The following CMKLR2 variants were observed in gnomAD, a reference collection of about 807,000 sequenced individuals.
The protein encoded by CMKLR2 is chemerin chemokine-like receptor 2.
A neutral mutation model predicts 23.0 loss-of-function variants in CMKLR2; 18 were observed. The ratio of observed to expected loss-of-function variants is 0.78; its 90% CI spans 0.54 to 1.16. The LOEUF (loss-of-function observed/expected upper bound fraction) is 1.16. Among genes scored for constraint, CMKLR2 ranks in the 50% most tolerant of loss-of-function variants. The pLI, the probability that CMKLR2 is intolerant of heterozygous loss-of-function variation, is 0.00. For missense variants in CMKLR2, 401 were observed against 412.7 expected, an observed-to-expected ratio of 0.97 and a Z score of 0.25; for synonymous variants, 158 against 158.9, an observed-to-expected ratio of 0.99 and a Z score of 0.05.
intron 1 of CMKLR2, among the ~76,000 whole-genome samples, chr2:206,204,967 T>C (rs1689258761): frequency 6.6e-6 from 1 of 152,230 alleles, no homozygotes; most frequent in Admixed American, 6.5e-5. Context: ...TGAATATCAG[T>C]ACAACATAAT....
In CMKLR2 at chr2:206,194,458, C is replaced by CTT. The variant is rs369564233; in HGVS notation, c.-28-17185_-28-17184dup. Among the ~76,000 whole-genome samples, 851 of 127,704 alleles carry CTT rather than the reference C, an allele frequency of 6.7e-3. 23 individuals are homozygous for CTT. The highest frequency in any genetic ancestry group is 0.021 in the African/African-American group (730 of 34,820). 83.8% of individuals were successfully genotyped at this position (127,704 alleles called of 152,430 possible). A position where few individuals can be genotyped will look rare whatever the true frequency, so the allele number is the denominator to read the frequency against. Reference sequence around the variant, plus strand: ...AATGGTTTAAGACATTCGTTATGGGCTTTTTTTTTTTTTTTTTGGTGACAG... The same window carrying CTT: ...AATGGTTTAAGACATTCGTTATGGGCTTTTTTTTTTTTTTTTTTTGGTGACAG... On this transcript the variant is annotated intron_variant, in intron 1 of 1. Coordinates refer to ENST00000621141, the MANE Select transcript of CMKLR2 (RefSeq NM_001389445.1).
At chr2:206,197,858 C>T (rs1688969406) in intron 1 of CMKLR2, among the ~76,000 whole-genome samples, 1 of 152,094 alleles carries the variant, frequency 6.6e-6, no homozygotes, top group Non-Finnish European at 1.5e-5. Context: ...TAGTTTTACC[C>T]TCAAAACTGC....
intron 1 of CMKLR2, among the ~76,000 whole-genome samples, chr2:206,205,889 G>A (rs930952134): frequency 6.6e-6 from 1 of 151,812 alleles, no homozygotes; most frequent in Admixed American, 6.6e-5. Flanking sequence ...AGTAGAGATG[G>A]GGTTTCTCCA....
intron 1 of CMKLR2, among the ~76,000 whole-genome samples, chr2:206,183,090 A>G (rs993520377): frequency 3.3e-5 from 5 of 152,026 alleles, no homozygotes; most frequent in Non-Finnish European, 7.4e-5. Flanking sequence ...GACTCTCCCC[A>G]GTGTCAGATC....
intron 1 of CMKLR2, among the ~76,000 whole-genome samples, chr2:206,207,960 G>C (rs973154349): frequency 2.0e-5 from 3 of 151,610 alleles, no homozygotes; most frequent in Non-Finnish European, 4.4e-5. Flanking sequence ...GGCTGGTCTC[G>C]AACTCCTGAC....
intron 1 of CMKLR2, among the ~76,000 whole-genome samples, chr2:206,190,912 A>C (rs1198100299): frequency 6.6e-6 from 1 of 152,212 alleles, no homozygotes; most frequent in Non-Finnish European, 1.5e-5. Context: ...CTACTTATGT[A>C]CCTGTTGTTT....
At position 206,177,001 on chromosome 2, in the gene CMKLR2, C is replaced by T. The variant is rs1179192321; in HGVS notation, c.247G>A (p.Asp83Asn). 3 of 1,614,224 alleles carry T rather than the reference C, an allele frequency of 1.9e-6. No homozygotes were observed. The highest frequency in any genetic ancestry group is 1.7e-5 in the Admixed American group (1 of 60,016). The change falls in exon 2 of 2, where the codon GAT becomes AAT. Residue 83 changes from aspartate (D) to asparagine (N), a missense_variant. Transcript: ENST00000621141. ...TLWFLNLAIA[D>N]FIFLLFLPLY... is the part of the protein sequence containing the mutation. ...GGCAGAAAGAGAAGAAAAATGAAAT[C>T]CGCAATGGCTAGATTGAGGAACCAC...
intron 1 of CMKLR2, among the ~76,000 whole-genome samples, chr2:206,201,653 C>T (rs1689100613): frequency 6.7e-6 from 1 of 149,086 alleles, no homozygotes; most frequent in Admixed American, 6.6e-5. Flanking sequence ...GATGAGACAG[C>T]TAAAAAAAAA....
At chr2:206,208,492 C>T (rs904777971) in intron 1 of CMKLR2, among the ~76,000 whole-genome samples, 3 of 152,060 alleles carry the variant, frequency 2.0e-5, no homozygotes, top group African/African-American at 7.2e-5. Flanking sequence ...TGTGATAGTA[C>T]TACTGCACTC....
intron 1 of CMKLR2, among the ~76,000 whole-genome samples, chr2:206,197,157 G>A (rs758318067): frequency 6.6e-5 from 10 of 152,036 alleles, no homozygotes; most frequent in Non-Finnish European, 8.8e-5. Flanking sequence ...ATCTGCCTGC[G>A]TCGGCCTCCC....
chr2:206,196,969 C>T (rs1226462373), intron 1 of CMKLR2, among the ~76,000 whole-genome samples: 1 of 152,074 alleles, frequency 6.6e-6, no homozygotes. Flanking sequence ...AGTGCAGTGG[C>T]GTGATCTCGG....
intron 1 of CMKLR2, among the ~76,000 whole-genome samples, chr2:206,213,106 G>T (rs1425533168): frequency 2.0e-5 from 3 of 152,202 alleles, no homozygotes; most frequent in African/African-American, 7.2e-5. Flanking sequence ...AACCCTGTAG[G>T]ATCGTCCCTA....
intron 1 of CMKLR2, among the ~76,000 whole-genome samples, chr2:206,194,743 A>AAT (rs1688864505): frequency 1.2e-5 from 1 of 85,824 alleles, no homozygotes; most frequent in Non-Finnish European, 2.3e-5. Context: ...GCCATCATAG[A>AAT]CTTTTTTTTT....
At chr2:206,181,161 G>T (rs1425529798) in intron 1 of CMKLR2, among the ~76,000 whole-genome samples, 1 of 151,786 alleles carries the variant, frequency 6.6e-6, no homozygotes, top group Non-Finnish European at 1.5e-5. Context: ...AGGTTCAAGT[G>T]ATTCTCCTCC....
intron 1 of CMKLR2, among the ~76,000 whole-genome samples, chr2:206,179,865 A>G (rs1688356724): frequency 6.6e-6 from 1 of 152,178 alleles, no homozygotes; most frequent in Non-Finnish European, 1.5e-5. Flanking sequence ...AGATTATAGT[A>G]GGGTTAGAAT....
intron 1 of CMKLR2, among the ~76,000 whole-genome samples, chr2:206,198,475 G>T (rs1688987431): frequency 6.6e-6 from 1 of 152,144 alleles, no homozygotes; most frequent in Non-Finnish European, 1.5e-5. Context: ...GAAGCTCAAA[G>T]ATGGCAGCAC....
At chr2:206,211,200 T>G (rs1035079539) in intron 1 of CMKLR2, among the ~76,000 whole-genome samples, 12 of 152,208 alleles carry the variant, frequency 7.9e-5, no homozygotes, top group African/African-American at 2.9e-4. Context: ...CTCAAGCACT[T>G]TCATAATGAT....
At chr2:206,203,306 G>C (rs1448222375) in intron 1 of CMKLR2, 1 of 145,592 alleles carries the variant, frequency 6.9e-6, no homozygotes, top group Non-Finnish European at 1.5e-5. Context: ...TCCAGCCTGG[G>C]CGAAAAGCGC....
intron 1 of CMKLR2, among the ~76,000 whole-genome samples, chr2:206,201,423 G>A (rs941338965): frequency 3.9e-5 from 6 of 152,084 alleles, no homozygotes; most frequent in African/African-American, 1.2e-4. Flanking sequence ...ATTGACTAAT[G>A]GCTTATTTAG....
Sources: gnomAD v4.1 joint callset for allele counts (sites outside exome capture counted in the v4.1 genomes callset) on GRCh38, gnomAD v4.1.1 for gene constraint, MANE v1.5 for transcripts, NCBI Gene and HGNC (gene_info 2026-07-23, HGNC 2026-07-21) for gene names.